The following NRXN1 variants were observed in gnomAD, a reference collection of about 807,000 sequenced individuals.
NRXN1 encodes neurexin 1.
NRXN1 carries 39 observed loss-of-function variants against 150.9 expected under a neutral mutation model. The ratio of observed to expected loss-of-function variants is 0.26; its 90% CI spans 0.20 to 0.34. The LOEUF (loss-of-function observed/expected upper bound fraction) is 0.34. Among genes scored for constraint, NRXN1 ranks in the 10% least tolerant of loss-of-function variants. NRXN1 has a pLI of 1.00. For synonymous variants in NRXN1, 924 were observed against 757.0 expected, an observed-to-expected ratio of 1.22 and a Z score of -3.62; for missense variants, 1,815 against 1,949.9, an observed-to-expected ratio of 0.93 and a Z score of 1.30.
intron 21 of NRXN1, among the ~76,000 whole-genome samples, chr2:49,993,435 G>A (rs1682363267): frequency 6.6e-6 from 1 of 152,126 alleles, no homozygotes; most frequent in Non-Finnish European, 1.5e-5. Flanking sequence ...GAACATAGAG[G>A]ATTTTTAGGT....
intron 18 of NRXN1, among the ~76,000 whole-genome samples, chr2:50,211,921 T>G (rs1212977983): frequency 1.3e-5 from 2 of 151,666 alleles, no homozygotes; most frequent in Non-Finnish European, 3.0e-5. Flanking sequence ...AGGAATATGC[T>G]GTAATGTACT....
intron 19 of NRXN1, among the ~76,000 whole-genome samples, chr2:50,084,818 A>G (rs1412212162): frequency 1.3e-5 from 2 of 152,160 alleles, no homozygotes; most frequent in Non-Finnish European, 2.9e-5. Flanking sequence ...GTCATTGATA[A>G]AGTAAGAACA....
intron 18 of NRXN1, among the ~76,000 whole-genome samples, chr2:50,126,818 A>T (rs1704655839): frequency 6.6e-6 from 1 of 152,140 alleles, no homozygotes; most frequent in Non-Finnish European, 1.5e-5. Context: ...CCAAAAAGAC[A>T]GGATGGGAAG....
intron 5 of NRXN1, among the ~76,000 whole-genome samples, chr2:50,719,953 C>T (rs1239207068): frequency 2.0e-5 from 3 of 152,130 alleles, no homozygotes; most frequent in African/African-American, 4.8e-5. Context: ...GCTGAGAGAG[C>T]CATCAACTAT....
intron 18 of NRXN1, among the ~76,000 whole-genome samples, chr2:50,148,780 T>C (rs1276031534): frequency 6.6e-6 from 1 of 151,670 alleles, no homozygotes. Flanking sequence ...ATCGGGATGA[T>C]TAAATACCAG....
At chr2:50,988,661 G>A (rs1248681740) in intron 2 of NRXN1, among the ~76,000 whole-genome samples, 2 of 151,854 alleles carry the variant, frequency 1.3e-5, no homozygotes, top group Non-Finnish European at 2.9e-5. Flanking sequence ...AATTCCTTGA[G>A]ATAACTGAGA....
intron 2 of NRXN1, among the ~76,000 whole-genome samples, chr2:50,955,421 C>A (rs1692122882): frequency 6.6e-6 from 1 of 152,136 alleles, no homozygotes; most frequent in African/African-American, 2.4e-5. Context: ...ATCCATTTAG[C>A]CATCATGCTC....
chr2:50,016,406 A>G (rs989596634), intron 21 of NRXN1: 2 of 152,188 alleles, frequency 1.3e-5, no homozygotes, highest in African/African-American at 4.8e-5. Context: ...AAGTGAAAGC[A>G]GTGGGGCTAT....
At chr2:50,692,775 C>CTGATCTG (rs1692255144) in intron 5 of NRXN1, among the ~76,000 whole-genome samples, 2 of 152,204 alleles carry the variant, frequency 1.3e-5, no homozygotes, top group East Asian at 3.9e-4. Flanking sequence ...CACACCCCCT[C>CTGATCTG]TGATCTGTTC....
intron 5 of NRXN1, among the ~76,000 whole-genome samples, chr2:50,648,837 C>T (rs981314216): frequency 3.7e-5 from 5 of 134,672 alleles, no homozygotes; most frequent in African/African-American, 1.4e-4. Context: ...CTATCAAATC[C>T]AGTTTCCTCA....
chr2:50,698,208 G>A (rs1354048568), intron 5 of NRXN1, among the ~76,000 whole-genome samples: 2 of 152,212 alleles, frequency 1.3e-5, no homozygotes, highest in African/African-American at 4.8e-5. Context: ...TTCGTTGACA[G>A]TATAAGACAG....
chr2:50,848,485 C>G (rs561788893), intron 5 of NRXN1, among the ~76,000 whole-genome samples: 1 of 152,128 alleles, frequency 6.6e-6, no homozygotes, highest in African/African-American at 2.4e-5. Context: ...GTTTGGGAGG[C>G]AATTGGTTGC....
At chr2:50,384,955 G>T (rs981845585) in intron 17 of NRXN1, among the ~76,000 whole-genome samples, 3 of 152,088 alleles carry the variant, frequency 2.0e-5, no homozygotes, top group African/African-American at 7.2e-5. Context: ...TGTGTTTTGA[G>T]CCACCTCCTA....
At chr2:50,590,506 T>G (rs115739594) in intron 8 of NRXN1, among the ~76,000 whole-genome samples, 4,444 of 152,208 alleles carry the variant, frequency 0.029, 212 homozygotes, top group African/African-American at 0.1. Context: ...TGCATTCCCC[T>G]GGACAACTAA....
intron 5 of NRXN1, among the ~76,000 whole-genome samples, chr2:50,647,825 TTTTC>T (rs1425940196): frequency 2.0e-5 from 3 of 151,924 alleles, no homozygotes; most frequent in Non-Finnish European, 4.4e-5. Context: ...AAAAATCATC[TTTTC>T]ACATTCTAAT....
chr2:50,514,810 A>G (rs563012318), intron 12 of NRXN1, among the ~76,000 whole-genome samples: 1 of 152,342 alleles, frequency 6.6e-6, no homozygotes, highest in African/African-American at 2.4e-5. Context: ...TGCATATTAA[A>G]GAATAACAGA....
At chr2:50,668,020 G>T (rs1688318684) in intron 5 of NRXN1, among the ~76,000 whole-genome samples, 1 of 151,944 alleles carries the variant, frequency 6.6e-6, no homozygotes, top group Admixed American at 6.6e-5. Context: ...GGTTTCTCTT[G>T]GGTTGTCTTT....
At chr2:50,944,696 T>G (rs1300881410) in intron 2 of NRXN1, among the ~76,000 whole-genome samples, 1 of 152,178 alleles carries the variant, frequency 6.6e-6, no homozygotes, top group Non-Finnish European at 1.5e-5. Flanking sequence ...AATGGTGCAG[T>G]ATAATTAGGA....
chr2:50,680,595 A>T (rs928761163), intron 5 of NRXN1, among the ~76,000 whole-genome samples: 1 of 152,106 alleles, frequency 6.6e-6, no homozygotes, highest in Non-Finnish European at 1.5e-5. Context: ...AAGATGACAA[A>T]TTTTTTAGAT....
Sources: gnomAD v4.1 joint callset for allele counts (sites outside exome capture counted in the v4.1 genomes callset) on GRCh38, gnomAD v4.1.1 for gene constraint, MANE v1.5 for transcripts, NCBI Gene and HGNC (gene_info 2026-07-23, HGNC 2026-07-21) for gene names.